Variants in HERC5 observed in about 807,000 individuals in gnomAD.
HERC5 encodes the protein HECT and RLD domain containing E3 ubiquitin protein ligase 5.
Under a neutral mutation model 119.6 loss-of-function variants are expected in HERC5, and 99 were observed. That is an observed-to-expected ratio of 0.83 (90% CI 0.70 to 0.98). The LOEUF is 0.98. HERC5 is among the 50% of genes least tolerant of loss of function. HERC5 has a pLI of 0.00. For synonymous variants in HERC5, 478 were observed against 445.9 expected (o/e 1.07, Z -0.91); for missense variants, 1,267 against 1,241.3 (o/e 1.02, Z -0.31).
chr4:88,462,298 C>A lies in HERC5; in HGVS notation c.630C>A (p.Gly210=). 6.2e-7 allele frequency: 1 copy of A among 1,614,188 alleles called. No individual in the cohort carries two copies. Among genetic ancestry groups the A allele is most frequent in the Admixed American group, 1.7e-5 (1 of 60,026 alleles). Residue 210 remains glycine, a synonymous_variant, in exon 4 of 23, where the codon GGC becomes GGA. Coordinates refer to ENST00000264350, the MANE Select transcript of HERC5 (RefSeq NM_016323.4). The part of the protein sequence containing the change: ...EAHSMALSMS[G]NIYSWGKNEC... ...ACAGCATGGCCTTATCCATGTCTGG[C>A]AACATTTATTCATGGGGAAAAAATG...
At position 88,493,098 on chromosome 4, in the gene HERC5, G is replaced by A. The variant is rs781638920; in HGVS notation, c.2220G>A (p.Pro740=). The change falls in exon 17 of 23, where the codon CCG becomes CCA. Residue 740 remains proline, a synonymous_variant. Transcript: ENST00000264350. ...FYCLFAEMIQ[P]EYGMFMYPEG... is the part of the protein sequence containing the mutation. ...GTCTGTTTGCAGAGATGATCCAGCC[G>A]GAATATGGGATGTTCATGTATCCTG... 66 of 1,613,884 alleles carry A rather than the reference G, an allele frequency of 4.1e-5. No homozygotes were observed. The highest frequency in any genetic ancestry group is 6.6e-5 in the South Asian group (6 of 91,078).
At chr4:88,486,457 T>G (rs1741470018) in intron 14 of HERC5, among the ~76,000 whole-genome samples, 1 of 152,164 alleles carries the variant, frequency 6.6e-6, no homozygotes, top group Admixed American at 6.5e-5. Context: ...GGTAGAAATC[T>G]GTCTATACTG....
chr4:88,474,644 A>G (rs982521854), intron 11 of HERC5, among the ~76,000 whole-genome samples: 2 of 152,224 alleles, frequency 1.3e-5, no homozygotes, highest in African/African-American at 2.4e-5. Flanking sequence ...CTTAGCCACT[A>G]TCTCATAATA....
chr4:88,489,875 G>A (rs908518201), intron 16 of HERC5, among the ~76,000 whole-genome samples: 4 of 152,068 alleles, frequency 2.6e-5, no homozygotes, highest in Non-Finnish European at 5.9e-5. Flanking sequence ...CGTGTGTGGT[G>A]GTGGGTGCCT....
intron 3 of HERC5, 37 bp from the exon 4 acceptor site, chr4:88,462,098 A>G: frequency 6.4e-7 from 1 of 1,556,718 alleles, no homozygotes; most frequent in Non-Finnish European, 8.8e-7. Context: ...CTGCATTTTA[A>G]ATGGAATAAA....
rs1357936406 is a variant in HERC5, at chr4:88,493,062, G to A, written c.2184G>A (p.Glu728=). 6.2e-7 allele frequency: 1 copy of A among 1,613,896 alleles called. No homozygotes were observed. Among genetic ancestry groups the A allele is most frequent in the Admixed American group, 1.7e-5 (1 of 59,986 alleles). Residue 728 remains glutamate, a synonymous_variant, in exon 17 of 23, where the codon GAG becomes GAA. Coordinates refer to ENST00000264350, the MANE Select transcript of HERC5 (RefSeq NM_016323.4). ...IGYDLGGVKK[E]FFYCLFAEMI... The stretch of plus-strand genomic sequence containing the variant: ...ATGACCTCGGAGGAGTCAAGAAAGA[G>A]TTCTTCTACTGTCTGTTTGCAGAGA...
intron 11 of HERC5, 51 bp from the exon 12 acceptor site, chr4:88,475,790 C>T: frequency 6.8e-7 from 1 of 1,471,848 alleles, no homozygotes; most frequent in Non-Finnish European, 9.5e-7. Flanking sequence ...CAGTTGCACC[C>T]TGCTTCTACT....
chr4:88,480,326 T>A (rs923688412), intron 13 of HERC5, among the ~76,000 whole-genome samples: 1 of 152,184 alleles, frequency 6.6e-6, no homozygotes, highest in Non-Finnish European at 1.5e-5. Flanking sequence ...GATTAATGCT[T>A]ATGGCTGTAT....
chr4:88,496,441 T>C (rs1350506390), intron 18 of HERC5, among the ~76,000 whole-genome samples: 2 of 152,224 alleles, frequency 1.3e-5, no homozygotes, highest in Non-Finnish European at 2.9e-5. Flanking sequence ...TGATGTATGA[T>C]ATTGGTGCAG....
intron 13 of HERC5, among the ~76,000 whole-genome samples, chr4:88,480,445 T>G (rs1438164632): frequency 3.0e-5 from 3 of 100,640 alleles, no homozygotes; most frequent in African/African-American, 6.7e-5. Flanking sequence ...CTTGTGTGTG[T>G]TTTTTTTTTT....
At chr4:88,495,433 C>T (rs914866607) in intron 18 of HERC5, among the ~76,000 whole-genome samples, 1 of 152,062 alleles carries the variant, frequency 6.6e-6, no homozygotes, top group East Asian at 1.9e-4. Flanking sequence ...CATGGTGGCA[C>T]ATGCCAGGAG....
intron 15 of HERC5, among the ~76,000 whole-genome samples, 164 bp from the exon 16 acceptor site, chr4:88,489,002 T>G (rs931814999): frequency 6.6e-6 from 1 of 152,226 alleles, no homozygotes; most frequent in African/African-American, 2.4e-5. Flanking sequence ...TCACTGAGAC[T>G]AAATACTGAT....
intron 13 of HERC5, among the ~76,000 whole-genome samples, chr4:88,483,947 T>C (rs548002153): frequency 4.3e-4 from 65 of 152,366 alleles, no homozygotes; most frequent in African/African-American, 1.6e-3. Flanking sequence ...ATTCCAGTTA[T>C]TGACATGTTA....
intron 9 of HERC5, among the ~76,000 whole-genome samples, chr4:88,470,079 A>G (rs1740816680): frequency 2.0e-5 from 3 of 152,220 alleles, no homozygotes; most frequent in Non-Finnish European, 4.4e-5. Flanking sequence ...TACAAACATC[A>G]TCTTTTAGAA....
chr4:88,488,950 T>C (rs1741550310), intron 15 of HERC5, among the ~76,000 whole-genome samples: 1 of 152,222 alleles, frequency 6.6e-6, no homozygotes, highest in Admixed American at 6.5e-5. Context: ...CCAGCTTGGC[T>C]CCACAAAGGC....
chr4:88,461,287 C>T (rs1221749225), intron 3 of HERC5, among the ~76,000 whole-genome samples: 2 of 152,112 alleles, frequency 1.3e-5, no homozygotes, highest in Non-Finnish European at 2.9e-5. Context: ...GAAGATGAAA[C>T]ACACAAGCCC....
chr4:88,463,183 A>T (rs1207853962), intron 4 of HERC5, among the ~76,000 whole-genome samples: 1 of 152,236 alleles, frequency 6.6e-6, no homozygotes, highest in Non-Finnish European at 1.5e-5. Context: ...ACTAGTAGAT[A>T]ATTTGAAAGA....
intron 18 of HERC5, 109 bp from the exon 19 acceptor site, chr4:88,499,817 A>C: frequency 1.3e-6 from 1 of 740,932 alleles, no homozygotes; most frequent in East Asian, 2.5e-5. Flanking sequence ...TGTGAACTAT[A>C]CCTGACCTCA....
intron 6 of HERC5, among the ~76,000 whole-genome samples, chr4:88,464,272 A>T: frequency 6.6e-6 from 1 of 151,858 alleles, no homozygotes; most frequent in Admixed American, 6.6e-5. Flanking sequence ...TTTGTCTTAA[A>T]AAAACAAGTC....
Sources: allele counts gnomAD v4.1 joint callset (sites outside exome capture counted in the v4.1 genomes callset), GRCh38; gene constraint gnomAD v4.1.1; transcripts MANE v1.5; gene names NCBI Gene and HGNC (gene_info 2026-07-23, HGNC 2026-07-21).